Variants in ROBO2 observed in about 807,000 individuals in gnomAD.
The protein encoded by ROBO2 is roundabout guidance receptor 2, also known as roundabout homolog 2.
In ROBO2, 53 loss-of-function variants were observed where a neutral mutation model predicts 160.8. That is an observed-to-expected ratio of 0.33 (90% CI 0.26 to 0.41). ROBO2 has a LOEUF of 0.41. Ranked by LOEUF, ROBO2 falls within the 10% of genes least tolerant of loss-of-function variation. The pLI is 1.00. For missense variants in ROBO2, 1,577 were observed against 1,722.4 expected (o/e 0.92, Z 1.49); for synonymous variants, 664 against 611.7 (o/e 1.09, Z -1.26).
chr3:77,293,651 C>T (rs1183228284), intron 2 of ROBO2, among the ~76,000 whole-genome samples: 1 of 139,760 alleles, frequency 7.2e-6, no homozygotes, highest in African/African-American at 2.9e-5. Flanking sequence ...GAGGCTAGAT[C>T]ACCCAGACAT....
At chr3:76,477,869 T>C (rs2079008617) in intron 2 of ROBO2, among the ~76,000 whole-genome samples, 1 of 152,062 alleles carries the variant, frequency 6.6e-6, no homozygotes, top group South Asian at 2.1e-4. Flanking sequence ...TTTCTACATT[T>C]GTTGCAGAAA....
intron 2 of ROBO2, among the ~76,000 whole-genome samples, chr3:77,289,079 T>G (rs2060839383): frequency 6.6e-6 from 1 of 152,158 alleles, no homozygotes; most frequent in African/African-American, 2.4e-5. Flanking sequence ...ATTAACAAAA[T>G]CATATACAGG....
chr3:76,963,812 G>C (rs954747742), intron 2 of ROBO2, among the ~76,000 whole-genome samples: 1 of 121,290 alleles, frequency 8.2e-6, no homozygotes, highest in Non-Finnish European at 1.6e-5. Flanking sequence ...CTAAAGTTTT[G>C]AGCTGAAATT....
At chr3:77,417,738 A>G (rs1242815528) in intron 2 of ROBO2, among the ~76,000 whole-genome samples, 6 of 152,124 alleles carry the variant, frequency 3.9e-5, no homozygotes, top group Admixed American at 6.5e-5. Flanking sequence ...ACACTGTCAT[A>G]GTGTTCTTGT....
intron 2 of ROBO2, among the ~76,000 whole-genome samples, chr3:76,227,089 A>G (rs997100989): frequency 6.6e-6 from 1 of 152,190 alleles, no homozygotes; most frequent in Admixed American, 6.5e-5. Flanking sequence ...CTGGCTCACT[A>G]CAGTGAATCT....
chr3:75,906,691 C>T (rs182409547), upstream of ROBO2: 66 of 152,428 alleles, frequency 4.3e-4, no homozygotes, highest in African/African-American at 1.5e-3. Context: ...ACGGGCAGCT[C>T]GCGCGCTGGA....
At chr3:77,232,931 A>G (rs2151297021) in intron 2 of ROBO2, among the ~76,000 whole-genome samples, 1 of 152,250 alleles carries the variant, frequency 6.6e-6, no homozygotes, top group African/African-American at 2.4e-5. Context: ...ATTATATATG[A>G]TTTCATTTAA....
At chr3:76,744,928 T>C (rs1479386773) in intron 2 of ROBO2, among the ~76,000 whole-genome samples, 1 of 152,194 alleles carries the variant, frequency 6.6e-6, no homozygotes, top group Non-Finnish European at 1.5e-5. Flanking sequence ...GTGTTCAACT[T>C]TAAACATGAT....
chr3:77,178,470 C>T (rs1220813557), intron 2 of ROBO2, among the ~76,000 whole-genome samples: 9 of 152,036 alleles, frequency 5.9e-5, no homozygotes, highest in Non-Finnish European at 1.2e-4. Context: ...ATCTCCAACA[C>T]TTGCTCATCA....
chr3:77,272,361 A>G (rs1355276206), intron 2 of ROBO2, among the ~76,000 whole-genome samples: 3 of 152,112 alleles, frequency 2.0e-5, no homozygotes, highest in Non-Finnish European at 4.4e-5. Flanking sequence ...TCGTGGCAGA[A>G]GGTGAAGGGG....
Position 76,135,215 on chromosome 3 carries a change from A to T in ROBO2, c.109+197613A>T, listed in dbSNP as rs1223322383. ...ATGGGTCACACAAGAGGGGCAGGGGAATCTGATCCAGCTTTGTGCTCCCTG... is the reference window on the plus strand; with the variant it reads ...ATGGGTCACACAAGAGGGGCAGGGGTATCTGATCCAGCTTTGTGCTCCCTG... On this transcript the variant is annotated intron_variant, in intron 2 of 26. Coordinates refer to the ROBO2 transcript ENST00000487694. Among the ~76,000 whole-genome samples, 3 of 152,038 alleles carry T rather than the reference A, an allele frequency of 2.0e-5. 1 individual carries two copies. Among genetic ancestry groups the T allele is most frequent in the African/African-American group, 7.2e-5 (3 of 41,428 alleles).
At chr3:76,079,808 A>G (rs942737063) in intron 2 of ROBO2, among the ~76,000 whole-genome samples, 4 of 152,048 alleles carry the variant, frequency 2.6e-5, no homozygotes, top group African/African-American at 9.7e-5. Context: ...GGCAGAAATT[A>G]CAAACAAGGG....
chr3:76,772,222 C>A (rs1004369760), intron 2 of ROBO2, among the ~76,000 whole-genome samples: 1 of 151,098 alleles, frequency 6.6e-6, no homozygotes, highest in African/African-American at 2.4e-5. Flanking sequence ...TTAAGGGTTT[C>A]TTGTATTTAA....
chr3:77,546,757 G>A (rs914759162), intron 7 of ROBO2, among the ~76,000 whole-genome samples: 1 of 152,070 alleles, frequency 6.6e-6, no homozygotes, highest in Non-Finnish European at 1.5e-5. Context: ...TAAAATCTGT[G>A]AAGGTAAAGC....
intron 2 of ROBO2, among the ~76,000 whole-genome samples, chr3:77,114,360 A>G (rs1487553850): frequency 6.6e-6 from 1 of 152,188 alleles, no homozygotes; most frequent in East Asian, 1.9e-4. Context: ...TAAATTTAGT[A>G]GCACTTTTAA....
At chr3:76,127,604 A>G (rs1247898573) in intron 2 of ROBO2, among the ~76,000 whole-genome samples, 2 of 144,134 alleles carry the variant, frequency 1.4e-5, no homozygotes, top group Non-Finnish European at 3.1e-5. Flanking sequence ...AAAAATATAT[A>G]TATATATATA....
chr3:76,301,381 A>T (rs1437841294), intron 2 of ROBO2, among the ~76,000 whole-genome samples: 1 of 152,094 alleles, frequency 6.6e-6, no homozygotes, highest in Non-Finnish European at 1.5e-5. Flanking sequence ...TGAGATGAAG[A>T]ATAGGCTTTC....
intron 2 of ROBO2, among the ~76,000 whole-genome samples, chr3:76,297,131 TA>T (rs1364229012): frequency 6.6e-6 from 1 of 152,212 alleles, no homozygotes; most frequent in African/African-American, 2.4e-5. Flanking sequence ...TGTGGGATTT[TA>T]TATGGGCTGA....
chr3:77,251,907 A>C (rs1382925195), intron 2 of ROBO2, among the ~76,000 whole-genome samples: 1 of 152,192 alleles, frequency 6.6e-6, no homozygotes, highest in Non-Finnish European at 1.5e-5. Flanking sequence ...ACCCAGTCTC[A>C]GGTATGTCTT....
Sources: gnomAD v4.1 joint callset for allele counts (sites outside exome capture counted in the v4.1 genomes callset) on GRCh38, gnomAD v4.1.1 for gene constraint, MANE v1.5 for transcripts, NCBI Gene and HGNC (gene_info 2026-07-23, HGNC 2026-07-21) for gene names.